The following ITPR1 variants were observed in gnomAD, a reference collection of about 807,000 sequenced individuals.
ITPR1 encodes inositol 1,4,5-trisphosphate-gated calcium channel ITPR1.
ITPR1 carries 96 observed loss-of-function variants against 318.4 expected under a neutral mutation model. The observed-to-expected ratio is 0.30, with a 90% CI of 0.26 to 0.36. The LOEUF is 0.36. Ranked by LOEUF, ITPR1 falls within the 10% of genes least tolerant of loss-of-function variation. The pLI is 1.00. For missense variants in ITPR1, 2,440 were observed against 3,460.2 expected (o/e 0.71, Z 7.40); for synonymous variants, 1,312 against 1,289.9 (o/e 1.02, Z -0.37).
chr3:4,656,392 C>T (rs868452891), intron 12 of ITPR1, among the ~76,000 whole-genome samples: 3 of 152,296 alleles, frequency 2.0e-5, no homozygotes, highest in Middle Eastern at 6.8e-3. Context: ...TCGGAGAGAA[C>T]AAATGTTGCT....
At chr3:4,715,095 G>T (rs2125288872) in intron 39 of ITPR1, among the ~76,000 whole-genome samples, 1 of 152,328 alleles carries the variant, frequency 6.6e-6, no homozygotes, top group Admixed American at 6.5e-5. Flanking sequence ...GCAAGGAAGA[G>T]AAAACATAGG....
intron 2 of ITPR1, among the ~76,000 whole-genome samples, chr3:4,503,453 TA>T (rs1000132515): frequency 1.3e-5 from 2 of 152,168 alleles, no homozygotes; most frequent in Non-Finnish European, 2.9e-5. Context: ...CCGAGTTGTC[TA>T]AAAACAAATG....
At chr3:4,771,705 G>A (rs769385548) in intron 46 of ITPR1, among the ~76,000 whole-genome samples, 11 of 152,020 alleles carry the variant, frequency 7.2e-5, no homozygotes, top group Non-Finnish European at 1.5e-5. Context: ...CAGTGCTGTG[G>A]GGTGTTGGGG....
intron 7 of ITPR1, among the ~76,000 whole-genome samples, chr3:4,643,292 A>G (rs1346974289): frequency 6.6e-6 from 1 of 152,220 alleles, no homozygotes; most frequent in East Asian, 1.9e-4. Flanking sequence ...TTGAAAATAG[A>G]TGGTTTTTCA....
intron 26 of ITPR1, among the ~76,000 whole-genome samples, chr3:4,682,489 G>A (rs1574839975): frequency 6.6e-6 from 1 of 152,206 alleles, no homozygotes; most frequent in African/African-American, 2.4e-5. Flanking sequence ...TGAACACTCT[G>A]TTGGGGCCCA....
intron 4 of ITPR1, among the ~76,000 whole-genome samples, chr3:4,619,479 C>T: frequency 6.6e-6 from 1 of 150,700 alleles, no homozygotes; most frequent in East Asian, 1.9e-4. Context: ...ACCTACCTCT[C>T]TCCTCACTCC....
chr3:4,518,784 G>T (rs973497864), intron 3 of ITPR1, among the ~76,000 whole-genome samples: 1 of 152,142 alleles, frequency 6.6e-6, no homozygotes, highest in East Asian at 1.9e-4. Context: ...AAAAATAAAG[G>T]TTCAGCTTGG....
At chr3:4,580,180 A>G (rs533654000) in intron 4 of ITPR1, among the ~76,000 whole-genome samples, 1 of 152,280 alleles carries the variant, frequency 6.6e-6, no homozygotes, top group African/African-American at 2.4e-5. Flanking sequence ...ACTCCACTCC[A>G]TCCTGGGCAA....
At chr3:4,686,189 T>C (rs2094391079) in intron 30 of ITPR1, among the ~76,000 whole-genome samples, 1 of 152,160 alleles carries the variant, frequency 6.6e-6, no homozygotes, top group Non-Finnish European at 1.5e-5. Flanking sequence ...AGAGTGAAAC[T>C]GGCTCCACTT....
In ITPR1 at chr3:4,642,233, G is replaced by A. The variant is rs1559596298; in HGVS notation, c.507G>A (p.Leu169=). The part of the protein sequence containing the change: ...SWFYIQPFYK[L]RSIGDSVVIG... ...TTTATATTCAGCCATTCTACAAGCT[G>A]CGATCCATTGGAGACAGCGTAAGTG... The change falls in exon 7 of 62, where the codon CTG becomes CTA. Residue 169 remains leucine (L), a synonymous_variant. Transcript: ENST00000649015. 10 of 1,581,932 alleles carry A rather than the reference G, an allele frequency of 6.3e-6. No individual in the cohort carries two copies. Among genetic ancestry groups the A allele is most frequent in the Non-Finnish European group, 7.7e-6 (9 of 1,167,118 alleles).
At chr3:4,694,438 A>G (rs1397263646) in intron 33 of ITPR1, among the ~76,000 whole-genome samples, 1 of 117,888 alleles carries the variant, frequency 8.5e-6, no homozygotes, top group East Asian at 1.9e-4. Flanking sequence ...CATATATCAT[A>G]TAATGTTTTT....
intron 10 of ITPR1, 167 bp downstream of exon 10, chr3:4,645,895 A>G (rs1575876323): frequency 1.3e-5 from 8 of 638,286 alleles, no homozygotes; most frequent in South Asian, 6.7e-5. Context: ...GTGTGTGTAT[A>G]TATATAAGTC....
chr3:4,537,754 T>C (rs576675317), intron 4 of ITPR1, among the ~76,000 whole-genome samples: 7 of 152,348 alleles, frequency 4.6e-5, no homozygotes, highest in Non-Finnish European at 1.0e-4. Flanking sequence ...TCCAGAGGAA[T>C]GCAGCCCTGC....
intron 34 of ITPR1, among the ~76,000 whole-genome samples, chr3:4,698,621 T>G (rs1006010769): frequency 6.6e-6 from 1 of 152,200 alleles, no homozygotes; most frequent in African/African-American, 2.4e-5. Flanking sequence ...CAATAAAACT[T>G]TATTTATAAA....
intron 3 of ITPR1, among the ~76,000 whole-genome samples, chr3:4,519,190 C>G (rs932030560): frequency 1.3e-5 from 2 of 152,118 alleles, no homozygotes; most frequent in Non-Finnish European, 2.9e-5. Context: ...TGGGGCTCCT[C>G]TTACCACTTC....
chr3:4,561,129 T>G (rs966892169), intron 4 of ITPR1, among the ~76,000 whole-genome samples: 1 of 152,220 alleles, frequency 6.6e-6, no homozygotes, highest in Non-Finnish European at 1.5e-5. Flanking sequence ...TAATTGTCTG[T>G]ATGTAGTATA....
chr3:4,649,322 A>G (rs1016284070), intron 10 of ITPR1, among the ~76,000 whole-genome samples: 6 of 152,190 alleles, frequency 3.9e-5, no homozygotes, highest in African/African-American at 7.2e-5. Flanking sequence ...GAAGACGTTG[A>G]ATAGTTCTTT....
chr3:4,674,944 A>G (rs912740274), intron 22 of ITPR1, 124 bp from the exon 23 acceptor site: 4 of 576,132 alleles, frequency 6.9e-6, no homozygotes, highest in Non-Finnish European at 9.0e-6. Flanking sequence ...CAAGGAAAAT[A>G]CATGCCTTCT....
chr3:4,815,011 T>G, intron 58 of ITPR1, 42 bp from the exon 59 acceptor site: 1 of 1,542,008 alleles, frequency 6.5e-7, no homozygotes, highest in Non-Finnish European at 8.8e-7. Flanking sequence ...GACCAAAGGG[T>G]CGCAAGGGAC....
Sources: gnomAD v4.1 joint callset for allele counts (sites outside exome capture counted in the v4.1 genomes callset) on GRCh38, gnomAD v4.1.1 for gene constraint, MANE v1.5 for transcripts, NCBI Gene and HGNC (gene_info 2026-07-23, HGNC 2026-07-21) for gene names.